Variants in DDR2 observed in about 807,000 individuals in gnomAD.
DDR2 encodes the protein discoidin domain receptor tyrosine kinase 2, also known as discoidin domain-containing receptor 2.
Under a neutral mutation model 94.9 loss-of-function variants are expected in DDR2, and 27 were observed. The ratio of observed to expected loss-of-function variants is 0.28; its 90% CI spans 0.21 to 0.39. The LOEUF (loss-of-function observed/expected upper bound fraction) is 0.39, where lower values mean the gene tolerates loss of function less well. Ranked by LOEUF, DDR2 falls within the 10% of genes least tolerant of loss-of-function variation. DDR2 has a pLI of 1.00. For synonymous variants in DDR2, 382 were observed against 377.2 expected (o/e 1.01, Z -0.15); for missense variants, 783 against 1,076.0 (o/e 0.73, Z 3.81).
At chr1:162,776,562 C>G (rs1184567907) in intron 16 of DDR2, among the ~76,000 whole-genome samples, 192 bp downstream of exon 16, 1 of 152,182 alleles carries the variant, frequency 6.6e-6, no homozygotes, top group African/African-American at 2.4e-5. Flanking sequence ...AAAAAATTAA[C>G]ACACATAAAA....
At chr1:162,748,346 C>T (rs2102110633) in intron 3 of DDR2, among the ~76,000 whole-genome samples, 1 of 152,258 alleles carries the variant, frequency 6.6e-6, no homozygotes, top group East Asian at 1.9e-4. Context: ...GCAGGGGTTG[C>T]AATCCTAGTC....
At position 162,700,073 on chromosome 1, in the gene DDR2, CA is replaced by C. The variant is rs1226575781; in HGVS notation, c.-27-18963del. On this transcript the variant is annotated intron_variant, in intron 2 of 17. Coordinates refer to ENST00000367921, the MANE Select transcript of DDR2 (RefSeq NM_006182.4). ...CTATTTTCAAACAAAGGTAGTTACTCATGAGAGAGCTTCTTTAAACTGCAAT... is the reference window on the plus strand; with the variant it reads ...CTATTTTCAAACAAAGGTAGTTACTCTGAGAGAGCTTCTTTAAACTGCAAT... 3.5e-4 allele frequency among the ~76,000 whole-genome samples: 54 copies of C among 152,326 alleles called. No individual in the cohort carries two copies. The Middle Eastern group carries it at 0.01, about 29-fold the overall frequency.
intron 8 of DDR2, among the ~76,000 whole-genome samples, chr1:162,760,190 C>T (rs761244839): frequency 1.5e-4 from 23 of 152,106 alleles, no homozygotes; most frequent in African/African-American, 5.3e-4. Context: ...TCAGTGAGCT[C>T]TCTTTTTTTT....
chr1:162,736,132 A>G (rs1035741854), intron 3 of DDR2, among the ~76,000 whole-genome samples: 2 of 152,238 alleles, frequency 1.3e-5, no homozygotes, highest in African/African-American at 4.8e-5. Context: ...CACCTGGTGG[A>G]CTGTAAAAAT....
At chr1:162,766,112 G>A in intron 10 of DDR2, 49 bp downstream of exon 10, 2 of 1,600,332 alleles carry the variant, frequency 1.2e-6, no homozygotes, top group Non-Finnish European at 1.7e-6. Flanking sequence ...GACTTACTGG[G>A]GGATGAAGAA....
intron 11 of DDR2, among the ~76,000 whole-genome samples, chr1:162,769,412 G>C (rs1239578689): frequency 6.6e-6 from 1 of 152,160 alleles, no homozygotes; most frequent in Non-Finnish European, 1.5e-5. Context: ...GGATAATTTT[G>C]GTGGTGTCCT....
At chr1:162,729,711 C>G (rs1455414537) in intron 3 of DDR2, among the ~76,000 whole-genome samples, 6 of 150,928 alleles carry the variant, frequency 4.0e-5, no homozygotes. Context: ...AACTCCCAGG[C>G]TTTTCTGTAT....
intron 3 of DDR2, among the ~76,000 whole-genome samples, chr1:162,723,767 G>A (rs1571244504): frequency 6.6e-6 from 1 of 152,142 alleles, no homozygotes; most frequent in Non-Finnish European, 1.5e-5. Context: ...GCTGAGGCAG[G>A]GCAGTGCTGG....
chr1:162,783,026 T>G lies in DDR2; in HGVS notation c.*2780T>G, dbSNP rs989298133. On this transcript the variant is annotated 3_prime_UTR_variant, in exon 18 of 18. Coordinates refer to ENST00000367921, the MANE Select transcript of DDR2 (RefSeq NM_006182.4). ...TGGTGAGGGCCTAGTATGTAGAATT[T>G]GAAAGTAGTTCAAATTTGAATTAGA... 3.9e-5 allele frequency: 6 copies of G among 152,134 alleles called. No homozygotes were observed. Among genetic ancestry groups the G allele is most frequent in the Non-Finnish European group, 1.5e-5 (1 of 68,022 alleles). 9.4% of individuals were successfully genotyped at this position (152,134 alleles called of 1,614,324 possible). A position where few individuals can be genotyped will look rare whatever the true frequency, so the allele number is the denominator to read the frequency against.
chr1:162,716,431 C>T (rs1031018632), intron 2 of DDR2, among the ~76,000 whole-genome samples: 1 of 152,176 alleles, frequency 6.6e-6, no homozygotes, highest in Non-Finnish European at 1.5e-5. Flanking sequence ...ATAGCCAAGA[C>T]CAATGTCTCC....
intron 3 of DDR2, among the ~76,000 whole-genome samples, chr1:162,731,874 T>C (rs975816555): frequency 3.3e-5 from 5 of 152,234 alleles, no homozygotes; most frequent in African/African-American, 1.2e-4. Flanking sequence ...AGTCTTAATA[T>C]AAACTTTCCA....
chr1:162,706,440 C>A (rs1660666156), intron 2 of DDR2, among the ~76,000 whole-genome samples: 1 of 152,170 alleles, frequency 6.6e-6, no homozygotes, highest in Non-Finnish European at 1.5e-5. Flanking sequence ...CAGATAGGAG[C>A]AAGAGTTTGA....
chr1:162,703,700 A>C (rs1217866366), intron 2 of DDR2, among the ~76,000 whole-genome samples: 1 of 152,222 alleles, frequency 6.6e-6, no homozygotes, highest in African/African-American at 2.4e-5. Context: ...CAGGCCAAGC[A>C]GTGTGCTAGG....
At chr1:162,750,430 C>A (rs1663127447) in intron 3 of DDR2, among the ~76,000 whole-genome samples, 1 of 152,150 alleles carries the variant, frequency 6.6e-6, no homozygotes, top group Non-Finnish European at 1.5e-5. Context: ...AGGAATCCAA[C>A]TTACAAGGGA....
chr1:162,760,757 C>T (rs1274040477), intron 8 of DDR2, among the ~76,000 whole-genome samples: 1 of 151,858 alleles, frequency 6.6e-6, no homozygotes, highest in East Asian at 1.9e-4. Flanking sequence ...CCTTGGCCAC[C>T]TCACTTCATG....
chr1:162,663,393 G>T (rs1214130876), intron 2 of DDR2, among the ~76,000 whole-genome samples: 1 of 152,176 alleles, frequency 6.6e-6, no homozygotes, highest in Non-Finnish European at 1.5e-5. Flanking sequence ...TATAGAGCTT[G>T]CTGGAGGGGG....
intron 2 of DDR2, among the ~76,000 whole-genome samples, chr1:162,700,374 C>T (rs1660375980): frequency 2.0e-5 from 3 of 152,186 alleles, no homozygotes; most frequent in Admixed American, 2.0e-4. Flanking sequence ...GACCCAGACA[C>T]TCAGTTTTGT....
At chr1:162,775,563 T>A in intron 14 of DDR2, 89 bp from the exon 15 acceptor site, 1 of 1,410,708 alleles carries the variant, frequency 7.1e-7, no homozygotes, top group Non-Finnish European at 1.0e-6. Flanking sequence ...TGGCATAATG[T>A]CCAGGAATAG....
chr1:162,774,989 A>G (rs1366532973), intron 14 of DDR2, among the ~76,000 whole-genome samples: 1 of 152,180 alleles, frequency 6.6e-6, no homozygotes, highest in African/African-American at 2.4e-5. Flanking sequence ...AAATCTTGCT[A>G]CTTTATGACC....
Sources: allele counts gnomAD v4.1 joint callset (sites outside exome capture counted in the v4.1 genomes callset), GRCh38; gene constraint gnomAD v4.1.1; transcripts MANE v1.5; gene names NCBI Gene and HGNC (gene_info 2026-07-23, HGNC 2026-07-21).